The following SGCZ variants were observed in gnomAD, a reference collection of about 807,000 sequenced individuals.
The protein encoded by SGCZ is sarcoglycan zeta.
Under a neutral mutation model 41.3 loss-of-function variants are expected in SGCZ, and 40 were observed. The observed-to-expected ratio is 0.97, with a 90% CI of 0.75 to 1.26. SGCZ has a LOEUF of 1.26. Ranked by LOEUF, SGCZ falls within the 50% of genes most tolerant of loss-of-function variation. The pLI is 0.00. For synonymous variants in SGCZ, 206 were observed against 137.5 expected (o/e 1.50, Z -3.49); for missense variants, 552 against 369.8 (o/e 1.49, Z -4.04).
intron 7 of SGCZ, among the ~76,000 whole-genome samples, chr8:14,096,532 C>T (rs529267551): frequency 3.2e-4 from 48 of 152,206 alleles, no homozygotes; most frequent in African/African-American, 8.2e-4. Context: ...ATTTTCGAAT[C>T]GATGTTCATC....
At chr8:14,803,615 C>T (rs1801409728) in intron 1 of SGCZ, among the ~76,000 whole-genome samples, 1 of 152,096 alleles carries the variant, frequency 6.6e-6, no homozygotes, top group Non-Finnish European at 1.5e-5. Context: ...GCACAGCAGT[C>T]TGAGATCAAA....
At chr8:14,208,122 G>A (rs1805678855) in intron 4 of SGCZ, among the ~76,000 whole-genome samples, 1 of 152,110 alleles carries the variant, frequency 6.6e-6, no homozygotes, top group Non-Finnish European at 1.5e-5. Context: ...ACCATGTTTA[G>A]CTTAACATAA....
At chr8:15,115,547 T>G (rs1807235882) in intron 1 of SGCZ, among the ~76,000 whole-genome samples, 3 of 152,310 alleles carry the variant, frequency 2.0e-5, no homozygotes, top group Middle Eastern at 3.4e-3. Flanking sequence ...ACAAATAACT[T>G]GAATTGAAAA....
intron 1 of SGCZ, among the ~76,000 whole-genome samples, chr8:14,620,129 A>C (rs1026253813): frequency 6.6e-6 from 1 of 152,138 alleles, no homozygotes; most frequent in Non-Finnish European, 1.5e-5. Context: ...CCTCCAAATA[A>C]TACCACACAT....
At chr8:15,075,442 T>A (rs1404747170) in intron 1 of SGCZ, among the ~76,000 whole-genome samples, 1 of 152,156 alleles carries the variant, frequency 6.6e-6, no homozygotes, top group African/African-American at 2.4e-5. Context: ...TGATGATCAC[T>A]TTTGTAAGTA....
rs571597154 is a variant in SGCZ at position 15,018,002 on chromosome 8, T to G, written c.39+219583A>C. Among the ~76,000 whole-genome samples the G allele has an allele frequency of 3.3e-5, 5 of 152,204 alleles. No homozygotes were observed. The South Asian group carries it at 1.0e-3, about 32-fold the overall frequency. ...ATCTCAGCCTCCCAAGTCTCTGGAG[T>G]TACAGGTGTGAGCCACTGCGCCTGG... On this transcript the variant is annotated intron_variant, in intron 1 of 7. Transcript: ENST00000382080.
At chr8:14,615,979 T>C (rs965900315) in intron 1 of SGCZ, among the ~76,000 whole-genome samples, 25 of 152,172 alleles carry the variant, frequency 1.6e-4, no homozygotes, top group African/African-American at 6.0e-4. Context: ...TAATGGGTCA[T>C]GATTGTAGTA....
rs111473544 is a variant in SGCZ at position 14,320,862 on chromosome 8, G to C, written c.336+3241C>G. Among the ~76,000 whole-genome samples the C allele has an allele frequency of 5.2e-3, 784 of 152,114 alleles. 7 individuals carry two copies. Among genetic ancestry groups the C allele is most frequent in the African/African-American group, 0.018 (731 of 41,524 alleles). Reference sequence around the variant, plus strand: ...ACAAACCAAGAGGGCTGTTTAGTTCGTCTCAGATAAGAGGTTCTGAAGAAC... The same window carrying C: ...ACAAACCAAGAGGGCTGTTTAGTTCCTCTCAGATAAGAGGTTCTGAAGAAC... On this transcript the variant is annotated intron_variant, in intron 3 of 7. Transcript: ENST00000382080.
intron 1 of SGCZ, among the ~76,000 whole-genome samples, chr8:14,684,974 C>G (rs528390232): frequency 6.6e-6 from 1 of 152,206 alleles, no homozygotes; most frequent in East Asian, 1.9e-4. Flanking sequence ...TACAAGCAAA[C>G]TTTGTCTACA....
intron 3 of SGCZ, among the ~76,000 whole-genome samples, chr8:14,242,351 G>A (rs970021783): frequency 6.6e-6 from 1 of 152,278 alleles, no homozygotes; most frequent in East Asian, 1.9e-4. Context: ...AGATCATCCA[G>A]TTATGAAGCT....
At chr8:14,905,032 A>G (rs1473571737) in intron 1 of SGCZ, among the ~76,000 whole-genome samples, 2 of 151,984 alleles carry the variant, frequency 1.3e-5, no homozygotes, top group African/African-American at 4.8e-5. Context: ...AGACAATATT[A>G]TTGGGGCCCT....
At chr8:14,825,197 A>T (rs1802259029) in intron 1 of SGCZ, among the ~76,000 whole-genome samples, 1 of 152,176 alleles carries the variant, frequency 6.6e-6, no homozygotes, top group Non-Finnish European at 1.5e-5. Context: ...TCTTAACATT[A>T]TACATTCATC....
In SGCZ at chr8:14,856,336, T is replaced by C. The variant is rs188434531; in HGVS notation, c.40-301410A>G. On this transcript the variant is annotated intron_variant, in intron 1 of 7. Transcript: ENST00000382080. ...ATTTGGGAAGGACAGGCCCTTGCTCTTTTTCATCAACCTCTAAAGGTTAGG... is the reference window on the plus strand; with the variant it reads ...ATTTGGGAAGGACAGGCCCTTGCTCCTTTTCATCAACCTCTAAAGGTTAGG... Among the ~76,000 whole-genome samples the C allele has an allele frequency of 1.7e-3, 257 of 152,288 alleles. 1 individual carries two copies. The highest frequency in any genetic ancestry group is 1.6e-3 in the Non-Finnish European group (108 of 68,030).
At chr8:14,865,859 C>T (rs1017602931) in intron 1 of SGCZ, among the ~76,000 whole-genome samples, 1 of 152,052 alleles carries the variant, frequency 6.6e-6, no homozygotes, top group African/African-American at 2.4e-5. Context: ...AAATAATCAA[C>T]CCTTAATTTA....
intron 5 of SGCZ, among the ~76,000 whole-genome samples, chr8:14,125,137 T>C (rs1020682771): frequency 6.6e-5 from 10 of 152,046 alleles, no homozygotes; most frequent in Non-Finnish European, 1.0e-4. Flanking sequence ...ATAAATGAAA[T>C]GAGAGGACAC....
intron 4 of SGCZ, among the ~76,000 whole-genome samples, chr8:14,213,092 G>T (rs867391123): frequency 1.3e-5 from 2 of 152,096 alleles, no homozygotes; most frequent in South Asian, 4.1e-4. Flanking sequence ...TATAATATTT[G>T]TGTAATCAAA....
intron 1 of SGCZ, among the ~76,000 whole-genome samples, chr8:14,651,308 A>G (rs1249093333): frequency 6.6e-6 from 1 of 152,088 alleles, no homozygotes; most frequent in African/African-American, 2.4e-5. Context: ...TATTTTTAAC[A>G]TATTATTTCC....
intron 1 of SGCZ, among the ~76,000 whole-genome samples, chr8:14,947,659 C>G (rs1362395996): frequency 1.3e-5 from 2 of 152,142 alleles, no homozygotes; most frequent in Non-Finnish European, 2.9e-5. Flanking sequence ...GAGCAAATAT[C>G]ATTAAGTATT....
At chr8:15,063,903 G>C (rs1805029288) in intron 1 of SGCZ, among the ~76,000 whole-genome samples, 2 of 152,230 alleles carry the variant, frequency 1.3e-5, no homozygotes, top group South Asian at 2.1e-4. Flanking sequence ...TTACAGTCGA[G>C]TGTTGCCCTG....
Sources: allele counts gnomAD v4.1 joint callset (sites outside exome capture counted in the v4.1 genomes callset), GRCh38; gene constraint gnomAD v4.1.1; transcripts MANE v1.5; gene names NCBI Gene and HGNC (gene_info 2026-07-23, HGNC 2026-07-21).